The following HK3 variants were observed in gnomAD, a reference collection of about 807,000 sequenced individuals.
HK3 encodes hexokinase 3.
A neutral mutation model predicts 91.0 loss-of-function variants in HK3; 93 were observed. The ratio of observed to expected loss-of-function variants is 1.02; its 90% confidence interval spans 0.86 to 1.21. HK3 has a LOEUF of 1.21. Ranked by LOEUF, HK3 falls within the 50% of genes most tolerant of loss-of-function variation. The pLI is 0.00. For missense variants in HK3, 1,235 were observed against 1,247.4 expected, an observed-to-expected ratio of 0.99 and a Z score of 0.15; for synonymous variants, 519 against 516.9, an observed-to-expected ratio of 1.00 and a Z score of -0.06.
intron 14 of HK3, 32 bp from the exon 15 acceptor site, chr5:176,883,901 G>A: frequency 1.2e-6 from 2 of 1,609,226 alleles, no homozygotes; most frequent in Non-Finnish European, 1.7e-6. Flanking sequence ...TAGTTGCTGG[G>A]CAACGCGGTC....
chr5:176,889,834 G>T (rs1758718112), intron 6 of HK3, 90 bp from the exon 7 acceptor site: 1 of 1,024,924 alleles, frequency 9.8e-7, no homozygotes, highest in Non-Finnish European at 1.5e-6. Context: ...CCCTGGCTTT[G>T]AAGGAGATAC....
chr5:176,881,680 G>C lies in HK3; in HGVS notation c.2393+12C>G. The C allele has an allele frequency of 1.2e-6, 2 of 1,613,850 alleles. No individual in the cohort carries two copies. The highest frequency in any genetic ancestry group is 1.7e-6 in the Non-Finnish European group (2 of 1,179,902). ...CCCCTGAAGTGGGGGAGGCAATGTAGGCCTCAGGCACCTTTCGATCTCAGA... is the reference window on the plus strand; with the variant it reads ...CCCCTGAAGTGGGGGAGGCAATGTACGCCTCAGGCACCTTTCGATCTCAGA... On this transcript the variant is annotated intron_variant, in intron 17 of 18. Transcript: ENST00000292432.
At position 176,881,085 on chromosome 5, in the gene HK3, CAA is replaced by C; in HGVS notation, c.2758_2759del (p.Leu920AspfsTer10). 4 of 1,604,742 alleles carry C rather than the reference CAA, an allele frequency of 2.5e-6. No individual in the cohort carries two copies. Among genetic ancestry groups the C allele is most frequent in the Non-Finnish European group, 3.4e-6 (4 of 1,175,498 alleles). On this transcript the variant is annotated frameshift_variant, in exon 19 of 19. Coordinates refer to ENST00000292432, the MANE Select transcript of HK3 (RefSeq NM_002115.3). LOFTEE classifies it high-confidence loss of function. ...CCTGGAGGTTTCCTCAGACACGAGTCAACTGCGCAAGGCGGCAGGCAACAGCG... is the reference window on the plus strand; with the variant it reads ...CCTGGAGGTTTCCTCAGACACGAGTCCTGCGCAAGGCGGCAGGCAACAGCG... Reference protein sequence around the residue: ...VTAVACRLAQLTRV With the variant: ...VTAVACRLAQXTRV
At chr5:176,890,464 G>A (rs1370713265) in intron 6 of HK3, among the ~76,000 whole-genome samples, 171 bp downstream of exon 6, 1 of 152,194 alleles carries the variant, frequency 6.6e-6, no homozygotes, top group Non-Finnish European at 1.5e-5. Context: ...CCTATACAAT[G>A]GGAATGGTAG....
chr5:176,893,911 A>T (rs951782761), intron 2 of HK3, among the ~76,000 whole-genome samples: 7 of 152,158 alleles, frequency 4.6e-5, no homozygotes, highest in Non-Finnish European at 1.0e-4. Flanking sequence ...GGCATTAGAG[A>T]GCATGTGAAG....
At chr5:176,895,713 C>T (rs1265119691) in intron 2 of HK3, among the ~76,000 whole-genome samples, 2 of 152,174 alleles carry the variant, frequency 1.3e-5, no homozygotes, top group Non-Finnish European at 2.9e-5. Flanking sequence ...CCAGATAACC[C>T]TGAGAAAGTC....
Position 176,888,301 on chromosome 5 carries a change from A to T in HK3, c.1304+31T>A, listed in dbSNP as rs375064890. The T allele has an allele frequency of 4.9e-5, 75 of 1,526,598 alleles. No homozygotes were observed. In the African/African-American group the frequency reaches 9.8e-4, roughly 20 times the overall value. The allele number at this position is 1,526,598 out of a possible 1,614,324, so 94.6% of individuals were successfully genotyped here. ...GTATCACACACACGTGTTCATGCCA[A>T]CTAATCATGCGGATCACGTTTCCAC... On this transcript the variant is annotated intron_variant, in intron 10 of 18. Coordinates refer to ENST00000292432, the MANE Select transcript of HK3 (RefSeq NM_002115.3).
intron 13 of HK3, among the ~76,000 whole-genome samples, chr5:176,885,253 A>G (rs1044401292): frequency 6.6e-6 from 1 of 152,188 alleles, no homozygotes; most frequent in Non-Finnish European, 1.5e-5. Context: ...TCGAGACTCA[A>G]GAGAGGAAGT....
Position 176,884,074 on chromosome 5 carries a change from C to T in HK3, c.1918G>A (p.Val640Met), listed in dbSNP as rs771140705. Residue 640 changes from valine (V) to methionine (M), a missense_variant, in exon 14 of 19, where the codon GTG becomes ATG. This residue lies in a region of HK3 where 513 missense variants were observed against 477.4 expected (regional missense o/e 1.07). Coordinates refer to ENST00000292432, the MANE Select transcript of HK3 (RefSeq NM_002115.3). This position sits in a 1 kb window ranked among gnomAD's most constrained non-coding sequence, Gnocchi z 4.1. ...KASDCEGQDV[V>M]SLLREAITRR... ...GTGATGGCTTCCCGCAACAGACTCA[C>T]GACATCTTGGCCCTCGCAGTCTGAT... The T allele has an allele frequency of 1.1e-5, 18 of 1,614,056 alleles. No individual in the cohort carries two copies. Among genetic ancestry groups the T allele is most frequent in the Middle Eastern group, 1.6e-4 (1 of 6,084 alleles).
chr5:176,889,604 G>A (rs1191652671), intron 7 of HK3, 40 bp from the exon 8 acceptor site: 1 of 1,613,910 alleles, frequency 6.2e-7, no homozygotes, highest in African/African-American at 1.3e-5. Flanking sequence ...TAGCCAGGCA[G>A]CACACCCTCC....
chr5:176,882,251 G>A, intron 15 of HK3, 124 bp from the exon 16 acceptor site: 3 of 999,562 alleles, frequency 3.0e-6, no homozygotes, highest in Non-Finnish European at 3.0e-6. Context: ...CTCACAGCCT[G>A]TCCCTGGTCC....
At chr5:176,895,699 T>C (rs190577380) in intron 2 of HK3, among the ~76,000 whole-genome samples, 317 of 152,276 alleles carry the variant, frequency 2.1e-3, no homozygotes, top group African/African-American at 6.9e-3. Context: ...AACACAACTT[T>C]TGACCAGATA....
chr5:176,882,035 C>G lies in HK3; in HGVS notation c.2146G>C (p.Gly716Arg), dbSNP rs1213460443. ...SGRMCINMEWGAFGDDGSLAM... is the reference protein window; with the variant it reads ...SGRMCINMEWRAFGDDGSLAM... Reference sequence around the variant, plus strand: ...AGAGAGCCATCGTCCCCAAAGGCGCCCCACTCCATGTTGATGCACATGCGG... The same window carrying G: ...AGAGAGCCATCGTCCCCAAAGGCGCGCCACTCCATGTTGATGCACATGCGG... Residue 716 changes from glycine to arginine, a missense_variant, in exon 16 of 19, where the codon GGC (glycine) becomes CGC (arginine). Transcript: ENST00000292432. The G allele has an allele frequency of 2.6e-5, 42 of 1,613,222 alleles. No individual in the cohort carries two copies. The highest frequency in any genetic ancestry group is 3.4e-5 in the Non-Finnish European group (40 of 1,180,020).
In HK3 at chr5:176,881,904, C is replaced by T. The variant is rs182707705; in HGVS notation, c.2237+40G>A. The T allele has an allele frequency of 6.0e-4, 975 of 1,612,112 alleles. 5 individuals are homozygous for T. The African/African-American group carries it at 6.3e-3, about 10-fold the overall frequency. On this transcript the variant is annotated intron_variant, in intron 16 of 18. Transcript: ENST00000292432. ...CCCCACCAGCCACCATCCCCAGCAC[C>T]GGTCACAGCCAGCCACCACTGCCTG... is the stretch of plus-strand genomic sequence containing the variant.
rs749252230 is a variant in HK3 at position 176,890,954 on chromosome 5, TG to T, written c.415-14del. 9.3e-6 allele frequency: 15 copies of T among 1,613,576 alleles called. No individual in the cohort carries two copies. Among genetic ancestry groups the T allele is most frequent in the East Asian group, 2.2e-5 (1 of 44,880 alleles). ...CAAAGTCAAAGAGCTGCAGGAGAAG[TG>T]GGGGGGCTCAGCCTTGCCCATCTGA... On this transcript the variant is annotated splice_polypyrimidine_tract_variant and intron_variant, in intron 4 of 18. Transcript: ENST00000292432.
rs756135058 is a variant in HK3 at position 176,881,860 on chromosome 5, G to T, written c.2238-13C>A. On this transcript the variant is annotated splice_polypyrimidine_tract_variant and intron_variant, in intron 16 of 18. Coordinates refer to ENST00000292432, the MANE Select transcript of HK3 (RefSeq NM_002115.3). The stretch of plus-strand genomic sequence containing the variant: ...CATCTTTTCAAACCTGCATGAACAT[G>T]TGTGCACTCGGCAGAAGGCCCCACC... 4.7e-5 allele frequency: 76 copies of T among 1,607,334 alleles called. No individual in the cohort carries two copies. Among genetic ancestry groups the T allele is most frequent in the Non-Finnish European group, 6.2e-5 (73 of 1,177,306 alleles).
intron 2 of HK3, among the ~76,000 whole-genome samples, chr5:176,892,813 T>C (rs954400083): frequency 6.6e-6 from 1 of 152,134 alleles, no homozygotes; most frequent in Non-Finnish European, 1.5e-5. Context: ...TAAGGACAAC[T>C]CAGTCCCACC....
chr5:176,881,374 C>G lies in HK3; in HGVS notation c.2555G>C (p.Arg852Pro). The G allele has an allele frequency of 6.2e-7, 1 of 1,613,944 alleles. No homozygotes were observed. Among genetic ancestry groups the G allele is most frequent in the Admixed American group, 1.7e-5 (1 of 60,030 alleles). The change falls in exon 18 of 19, where the codon CGG (arginine) becomes CCG (proline). Residue 852 changes from arginine to proline, a missense_variant. Transcript: ENST00000292432. ...CAGCTCTTCCAGGCCCCGGTTCTCC[C>G]GGATCTTCTCCACCACGGCAGCTAC... ...AGVAAVVEKI[R>P]ENRGLEELAV...
chr5:176,896,996 G>C (rs1010809991), intron 1 of HK3, among the ~76,000 whole-genome samples: 3 of 151,774 alleles, frequency 2.0e-5, no homozygotes, highest in African/African-American at 7.3e-5. Context: ...CCTGTACTCA[G>C]AGGTGGGAAC....
Sources: gnomAD v4.1 joint callset for allele counts (sites outside exome capture counted in the v4.1 genomes callset) on GRCh38, gnomAD v4.1.1 for gene constraint, gnomAD v4.1.1 regional missense constraint, Gnocchi (gnomAD v3.1) non-coding constraint, MANE v1.5 for transcripts, NCBI Gene and HGNC (gene_info 2026-07-23, HGNC 2026-07-21) for gene names.